ZNF831: variants seen among roughly 807,000 people sequenced by gnomAD.
ZNF831 encodes the protein zinc finger protein 831, also known as chromosome 20 open reading frame 174.
In ZNF831, 59 loss-of-function variants were observed where a neutral mutation model predicts 95.8. That is an observed-to-expected ratio of 0.62 (90% CI 0.50 to 0.77). ZNF831 has a LOEUF of 0.77. Ranked by LOEUF, ZNF831 falls within the 30% of genes least tolerant of loss-of-function variation. The pLI is 0.00. For missense variants in ZNF831, 2,205 were observed against 2,164.0 expected, an observed-to-expected ratio of 1.02 and a Z score of -0.38; for synonymous variants, 961 against 925.5, an observed-to-expected ratio of 1.04 and a Z score of -0.70.
intron 1 of ZNF831, among the ~76,000 whole-genome samples, chr20:59,131,177 T>A (rs1294513410): frequency 6.6e-6 from 1 of 152,196 alleles, no homozygotes; most frequent in Admixed American, 6.5e-5. Flanking sequence ...GGTCTGGAGT[T>A]GGAAAAGGCG....
In ZNF831 at chr20:59,126,198, G is replaced by A. The variant is rs541512211; in HGVS notation, c.-1425+2693G>A. ...GGCCACCTTCCCCACGTGTGCCAGA[G>A]CACTTTGCTCTTGAACAGCCCCCTC... On this transcript the variant is annotated intron_variant, in intron 1 of 7. Transcript: ENST00000637017. Among the ~76,000 whole-genome samples, 5 of 152,296 alleles carry A rather than the reference G, an allele frequency of 3.3e-5. No homozygotes were observed. In the South Asian group the frequency reaches 1.0e-3, roughly 32 times the overall value.
rs370185545 is a variant in ZNF831, at chr20:59,194,606, C to T, written c.3587C>T (p.Ala1196Val). The T allele has an allele frequency of 1.9e-5, 31 of 1,612,788 alleles. No individual in the cohort carries two copies. Among genetic ancestry groups the T allele is most frequent in the Admixed American group, 6.7e-5 (4 of 59,876 alleles). Residue 1196 changes from alanine to valine, a missense_variant, in exon 2 of 6, where the codon GCG (alanine) becomes GTG (valine). Transcript: ENST00000371030. ...CCLSRSVPLP[A>V]EQKAKAASVY... ...CTGAGCCGCAGTGTCCCTCTGCCCGCGGAGCAGAAGGCAAAGGCGGCATCT... is the reference window on the plus strand; with the variant it reads ...CTGAGCCGCAGTGTCCCTCTGCCCGTGGAGCAGAAGGCAAAGGCGGCATCT...
chr20:59,195,976 G>GC lies in ZNF831; in HGVS notation c.3847dup (p.Gln1283ProfsTer9). 6.2e-7 allele frequency: 1 copy of GC among 1,614,110 alleles called. No homozygotes were observed. The highest frequency in any genetic ancestry group is 8.5e-7 in the Non-Finnish European group (1 of 1,179,990). Reference sequence around the variant, plus strand: ...CAAAGATGTCTCGTGGGAACAGCAAGCAGAGAAAACTGAAGATCAACCCTA... The same window carrying GC: ...CAAAGATGTCTCGTGGGAACAGCAAGCCAGAGAAAACTGAAGATCAACCCTA... On this transcript the variant is annotated frameshift_variant, in exon 3 of 6. Transcript: ENST00000371030. LOFTEE classifies it high-confidence loss of function.
rs778473017 is a variant in ZNF831, at chr20:59,227,198, G to A, written c.4027+20142G>A. Among the ~76,000 whole-genome samples the A allele has an allele frequency of 8.5e-5, 13 of 152,256 alleles. 1 individual carries two copies. The South Asian group carries it at 1.0e-3, about 12-fold the overall frequency. ...GTGACCCAGACCAGCACTGAATGGC[G>A]TCATTTCAGGCTAATGTATCTTCCC... is the stretch of plus-strand genomic sequence containing the variant. On this transcript the variant is annotated intron_variant, in intron 4 of 5. Transcript: ENST00000371030.
rs1568760361 is a variant in ZNF831 at position 59,194,748 on chromosome 20, G to C, written c.3729G>C (p.Gln1243His). ...GCCCTGGAGAAGGAGGGCCGGCGCAGATGTCCAAGGTAAAGCTGGGCTTTG... is the reference window on the plus strand; with the variant it reads ...GCCCTGGAGAAGGAGGGCCGGCGCACATGTCCAAGGTAAAGCTGGGCTTTG... ...WTSPGEGGPA[Q>H]MSKFSYPTVP... Residue 1243 changes from glutamine to histidine, a missense_variant, in exon 2 of 6, where the codon CAG becomes CAC. Transcript: ENST00000371030. 1 of 1,561,162 alleles carries C rather than the reference G, an allele frequency of 6.4e-7. No homozygotes were observed. Among genetic ancestry groups the C allele is most frequent in the East Asian group, 2.2e-5 (1 of 44,512 alleles).
chr20:59,158,164 T>G (rs1275610158), intron 2 of ZNF831, among the ~76,000 whole-genome samples: 1 of 152,182 alleles, frequency 6.6e-6, no homozygotes, highest in Non-Finnish European at 1.5e-5. Context: ...GCGCTTTCAT[T>G]ATCTGTGATG....
At chr20:59,175,508 T>A (rs1432053032) in intron 1 of ZNF831, among the ~76,000 whole-genome samples, 1 of 152,172 alleles carries the variant, frequency 6.6e-6, no homozygotes, top group African/African-American at 2.4e-5. Flanking sequence ...CACCGATTCT[T>A]TTTTTCTGTC....
intron 4 of ZNF831, among the ~76,000 whole-genome samples, chr20:59,251,524 A>G (rs1028544581): frequency 6.6e-6 from 1 of 152,304 alleles, no homozygotes; most frequent in African/African-American, 2.4e-5. Flanking sequence ...TGAAACTACT[A>G]GAAGTTTTGT....
chr20:59,133,459 T>A (rs1489373613), intron 1 of ZNF831, among the ~76,000 whole-genome samples: 1 of 152,218 alleles, frequency 6.6e-6, no homozygotes, highest in African/African-American at 2.4e-5. Flanking sequence ...TTTGTGATAA[T>A]TTAAAGCAAT....
intron 4 of ZNF831, among the ~76,000 whole-genome samples, chr20:59,207,519 A>T (rs538658445): frequency 1.3e-5 from 2 of 152,156 alleles, no homozygotes; most frequent in Non-Finnish European, 2.9e-5. Flanking sequence ...TGCAGGGTAC[A>T]TTGCTTACAT....
At chr20:59,233,723 A>G (rs1263311184) in intron 4 of ZNF831, among the ~76,000 whole-genome samples, 2 of 152,188 alleles carry the variant, frequency 1.3e-5, no homozygotes, top group African/African-American at 2.4e-5. Flanking sequence ...TTTCAGACCT[A>G]CATCACTCCT....
rs564294488 is a variant in ZNF831 at position 59,231,878 on chromosome 20, C to T, written c.4028-21100C>T. On this transcript the variant is annotated intron_variant, in intron 4 of 5. Transcript: ENST00000371030. Reference sequence around the variant, plus strand: ...CCACTATTGCCCACTGAAGAATTCTCAAATTATATGGTGAGCTACGGTAAT... The same window carrying T: ...CCACTATTGCCCACTGAAGAATTCTTAAATTATATGGTGAGCTACGGTAAT... Among the ~76,000 whole-genome samples the T allele has an allele frequency of 6.0e-4, 91 of 152,310 alleles. 1 individual carries two copies. Among genetic ancestry groups the T allele is most frequent in the African/African-American group, 2.2e-3 (91 of 41,556 alleles).
rs758205666 is a variant in ZNF831, at chr20:59,194,509, A to T, written c.3490A>T (p.Thr1164Ser). The T allele has an allele frequency of 2.1e-5, 34 of 1,609,790 alleles. No individual in the cohort carries two copies. Among genetic ancestry groups the T allele is most frequent in the Non-Finnish European group, 2.8e-5 (33 of 1,178,130 alleles). The stretch of plus-strand genomic sequence containing the variant: ...CTCAGGGACGTCCCGGAGCCACAGC[A>T]CCCGCAGTCCCCACAGCACCCAAAA... ...SHSGTSRSHS[T>S]RSPHSTQNPF... The change falls in exon 2 of 6, where the codon ACC becomes TCC. Residue 1164 changes from threonine to serine, a missense_variant. Thr to Ser is a moderately conservative substitution (Grantham distance 58, BLOSUM62 1). Transcript: ENST00000371030.
chr20:59,143,305 A>G (rs971211539), intron 1 of ZNF831, among the ~76,000 whole-genome samples: 1 of 152,220 alleles, frequency 6.6e-6, no homozygotes, highest in African/African-American at 2.4e-5. Context: ...GAGAAGACAC[A>G]GGAAAGTTGA....
chr20:59,139,460 A>G (rs1401481016), intron 1 of ZNF831, among the ~76,000 whole-genome samples: 1 of 152,206 alleles, frequency 6.6e-6, no homozygotes, highest in African/African-American at 2.4e-5. Flanking sequence ...TTCTGAAATC[A>G]GGATGGCTCT....
intron 3 of ZNF831, 127 bp from the exon 4 acceptor site, chr20:59,206,778 C>A: frequency 2.9e-6 from 3 of 1,023,932 alleles, no homozygotes; most frequent in Non-Finnish European, 2.9e-6. Context: ...AGGAGTTGCT[C>A]AGAGCTGACC....
intron 4 of ZNF831, among the ~76,000 whole-genome samples, chr20:59,239,057 T>TG (rs1473304938): frequency 6.6e-6 from 1 of 152,254 alleles, no homozygotes; most frequent in East Asian, 1.9e-4. Flanking sequence ...GAAGACTCCA[T>TG]GAAGTGATAG....
rs559521421 is a variant in ZNF831 at position 59,215,090 on chromosome 20, A to G, written c.4027+8034A>G. 2.2e-3 allele frequency among the ~76,000 whole-genome samples: 342 copies of G among 152,358 alleles called. 1 individual carries two copies. Among genetic ancestry groups the G allele is most frequent in the African/African-American group, 7.9e-3 (328 of 41,584 alleles). ...TGTGCTAAAAGTTCCATTAACTGAG[A>G]CCTGTTCTATTTACTCGAATGCTTG... On this transcript the variant is annotated intron_variant, in intron 4 of 5. Transcript: ENST00000371030.
Position 59,245,865 on chromosome 20 carries a change from A to G in ZNF831, c.4028-7113A>G, listed in dbSNP as rs186043466. ...TCTGAGAGGAAAAAGTGATCAAAACACGTTCATCTCAGGAACAGAAATGGA... is the reference window on the plus strand; with the variant it reads ...TCTGAGAGGAAAAAGTGATCAAAACGCGTTCATCTCAGGAACAGAAATGGA... On this transcript the variant is annotated intron_variant, in intron 4 of 5. Coordinates refer to ENST00000371030, the MANE Select transcript of ZNF831 (RefSeq NM_178457.3). Among the ~76,000 whole-genome samples, 267 of 152,308 alleles carry G rather than the reference A, an allele frequency of 1.8e-3. 1 individual carries two copies. Among genetic ancestry groups the G allele is most frequent in the African/African-American group, 5.9e-3 (246 of 41,562 alleles).
Sources: gnomAD v4.1 joint callset for allele counts (sites outside exome capture counted in the v4.1 genomes callset) on GRCh38, gnomAD v4.1.1 for gene constraint, MANE v1.5 for transcripts, NCBI Gene and HGNC (gene_info 2026-07-23, HGNC 2026-07-21) for gene names.